Variants in SDK1 observed in about 807,000 individuals in gnomAD.
SDK1 encodes sidekick cell adhesion molecule 1.
SDK1 carries 157 observed loss-of-function variants against 245.5 expected under a neutral mutation model. The ratio of observed to expected loss-of-function variants is 0.64; its 90% CI spans 0.56 to 0.73. SDK1 has a LOEUF of 0.73. Ranked by LOEUF, SDK1 falls within the 30% of genes least tolerant of loss-of-function variation. SDK1 has a pLI of 0.00. For missense variants in SDK1, 3,583 were observed against 3,002.3 expected (o/e 1.19, Z -4.52); for synonymous variants, 1,647 against 1,278.5 (o/e 1.29, Z -6.15).
chr7:3,337,375 A>G (rs1780229884), intron 1 of SDK1, among the ~76,000 whole-genome samples: 1 of 152,272 alleles, frequency 6.6e-6, no homozygotes, highest in East Asian at 1.9e-4. Context: ...GACTGGAAAA[A>G]AAAAGTCTCA....
chr7:3,361,332 T>C (rs1459126133), intron 1 of SDK1, among the ~76,000 whole-genome samples: 1 of 152,198 alleles, frequency 6.6e-6, no homozygotes, highest in African/African-American at 2.4e-5. Flanking sequence ...GTGAGAACAT[T>C]TGCATTTCTA....
chr7:3,493,278 C>G (rs1308300436), intron 1 of SDK1, among the ~76,000 whole-genome samples: 1 of 152,176 alleles, frequency 6.6e-6, no homozygotes, highest in Admixed American at 6.5e-5. Context: ...ATATGTCTGT[C>G]TGTCCATCCA....
At chr7:3,770,422 T>C (rs574020121) in intron 4 of SDK1, among the ~76,000 whole-genome samples, 5 of 152,260 alleles carry the variant, frequency 3.3e-5, no homozygotes, top group South Asian at 4.1e-4. Context: ...CATGCACAGG[T>C]TTTTACATAA....
At chr7:3,599,339 T>G (rs559527300) in intron 1 of SDK1, among the ~76,000 whole-genome samples, 6 of 152,282 alleles carry the variant, frequency 3.9e-5, no homozygotes, top group Middle Eastern at 3.4e-3. Context: ...TGCTACTGAT[T>G]TCTGCGGATT....
At chr7:3,683,642 C>A (rs1160067655) in intron 4 of SDK1, among the ~76,000 whole-genome samples, 1 of 152,218 alleles carries the variant, frequency 6.6e-6, no homozygotes, top group African/African-American at 2.4e-5. Flanking sequence ...CTGCGCCTAA[C>A]ATGGCAAGCG....
At chr7:3,590,300 C>CTTTTTTTTTTTTTTTTTT (rs200303832) in intron 1 of SDK1, among the ~76,000 whole-genome samples, 3 of 96,128 alleles carry the variant, frequency 3.1e-5, no homozygotes, top group South Asian at 4.3e-4. Flanking sequence ...TTTCCTGTTC[C>CTTTTTTTTTTTTTTTTTT]TTTTTTTTTT....
At chr7:3,857,465 T>C (rs1780575571) in intron 5 of SDK1, among the ~76,000 whole-genome samples, 1 of 152,098 alleles carries the variant, frequency 6.6e-6, no homozygotes, top group African/African-American at 2.4e-5. Context: ...GGGGGATTGT[T>C]TGTGCCCAGG....
At chr7:3,492,140 C>A (rs1025718292) in intron 1 of SDK1, among the ~76,000 whole-genome samples, 1 of 152,210 alleles carries the variant, frequency 6.6e-6, no homozygotes, top group Non-Finnish European at 1.5e-5. Context: ...ACTTAGGATG[C>A]TAGGGAACTT....
At chr7:3,352,385 A>G (rs1466974022) in intron 1 of SDK1, among the ~76,000 whole-genome samples, 1 of 152,110 alleles carries the variant, frequency 6.6e-6, no homozygotes, top group Non-Finnish European at 1.5e-5. Flanking sequence ...TTTGAGCTAA[A>G]TGGGGGAAGA....
chr7:3,532,585 A>G (rs1049871832), intron 1 of SDK1, among the ~76,000 whole-genome samples: 1 of 152,176 alleles, frequency 6.6e-6, no homozygotes, highest in Non-Finnish European at 1.5e-5. Flanking sequence ...TCTGTCTGCA[A>G]GTCTAGTGTT....
At chr7:3,733,502 C>G (rs1779237010) in intron 4 of SDK1, among the ~76,000 whole-genome samples, 1 of 152,184 alleles carries the variant, frequency 6.6e-6, no homozygotes, top group African/African-American at 2.4e-5. Flanking sequence ...TTGCCCTGCT[C>G]TGGAGGTCCG....
Position 3,910,112 on chromosome 7 carries a change from C to T in SDK1, c.848-40811C>T, listed in dbSNP as rs1204186259. Among the ~76,000 whole-genome samples the T allele has an allele frequency of 5.9e-5, 9 of 152,272 alleles. No individual in the cohort carries two copies. In the South Asian group the frequency reaches 1.2e-3, roughly 21 times the overall value. On this transcript the variant is annotated intron_variant, in intron 5 of 44. Transcript: ENST00000404826. ...GGGGAAAAAGAAAAAGTCCTGTGTG[C>T]GAATGGCCCCCTGCGTGGTGCTGCG...
chr7:4,246,450 C>A (rs1161661593), intron 44 of SDK1, among the ~76,000 whole-genome samples: 1 of 152,096 alleles, frequency 6.6e-6, no homozygotes, highest in Non-Finnish European at 1.5e-5. Context: ...CATAGGCTGC[C>A]ATAAAAATTG....
At position 3,425,321 on chromosome 7, in the gene SDK1, G is replaced by C. The variant is rs183702118; in HGVS notation, c.298+123437G>C. 4.6e-3 allele frequency among the ~76,000 whole-genome samples: 701 copies of C among 151,992 alleles called. 1 individual carries two copies. The highest frequency in any genetic ancestry group is 7.3e-3 in the Admixed American group (111 of 15,266). ...CTGTTGAGGACTTTTATGAATGACT[G>C]GTATAAATCAAGAATTGAATGAATA... On this transcript the variant is annotated intron_variant, in intron 1 of 44. Transcript: ENST00000404826.
chr7:3,770,232 T>G (rs1215929254), intron 4 of SDK1, among the ~76,000 whole-genome samples: 1 of 152,168 alleles, frequency 6.6e-6, no homozygotes, highest in East Asian at 1.9e-4. Flanking sequence ...CCATTTGAGA[T>G]TATTTTTCCC....
chr7:4,123,309 G>A (rs901179584), intron 25 of SDK1, among the ~76,000 whole-genome samples: 14 of 152,102 alleles, frequency 9.2e-5, no homozygotes, highest in African/African-American at 1.7e-4. Flanking sequence ...AAATATATTC[G>A]GATACGTTGT....
chr7:3,713,377 A>G (rs764327007), intron 4 of SDK1, among the ~76,000 whole-genome samples: 15 of 152,226 alleles, frequency 9.9e-5, no homozygotes, highest in Non-Finnish European at 2.1e-4. Flanking sequence ...GAGCCTACAA[A>G]GAACTTAAAA....
rs892254894 is a variant in SDK1 at position 3,535,620 on chromosome 7, T to C, written c.299-83460T>C. Among the ~76,000 whole-genome samples, 5 of 152,326 alleles carry C rather than the reference T, an allele frequency of 3.3e-5. No individual in the cohort carries two copies. The South Asian group carries it at 8.3e-4, about 25-fold the overall frequency. On this transcript the variant is annotated intron_variant, in intron 1 of 44. Coordinates refer to ENST00000404826, the MANE Select transcript of SDK1 (RefSeq NM_152744.4). ...ATAACATGGTCCCTTAGCATCCTTATATTTGTAATATTCCCTCATTGTATG... is the reference window on the plus strand; with the variant it reads ...ATAACATGGTCCCTTAGCATCCTTACATTTGTAATATTCCCTCATTGTATG...
intron 5 of SDK1, among the ~76,000 whole-genome samples, chr7:3,924,073 A>C (rs1779686625): frequency 6.7e-6 from 1 of 150,368 alleles, no homozygotes; most frequent in South Asian, 2.1e-4. Context: ...GGCTCAAATC[A>C]CCTGGAGGCA....
Sources: gnomAD v4.1 joint callset for allele counts (sites outside exome capture counted in the v4.1 genomes callset) on GRCh38, gnomAD v4.1.1 for gene constraint, MANE v1.5 for transcripts, NCBI Gene and HGNC (gene_info 2026-07-23, HGNC 2026-07-21) for gene names.